The following HELZ variants were observed in gnomAD, a reference collection of about 807,000 sequenced individuals.
HELZ encodes helicase with zinc finger.
In HELZ, 23 loss-of-function variants were observed where a neutral mutation model predicts 218.2. The ratio of observed to expected loss-of-function variants is 0.11; its 90% CI spans 0.08 to 0.15. The LOEUF (loss-of-function observed/expected upper bound fraction) is 0.15. Among genes scored for constraint, HELZ ranks in the 10% least tolerant of loss-of-function variants. HELZ has a pLI of 1.00. For missense variants in HELZ, 1,813 were observed against 2,353.7 expected, an observed-to-expected ratio of 0.77 and a Z score of 4.75; for synonymous variants, 814 against 829.4, an observed-to-expected ratio of 0.98 and a Z score of 0.32.
At chr17:67,168,903 C>T (rs1185889463) in intron 13 of HELZ, among the ~76,000 whole-genome samples, 1 of 152,104 alleles carries the variant, frequency 6.6e-6, no homozygotes, top group East Asian at 1.9e-4. Flanking sequence ...ACCAGCCTGG[C>T]CAACATGGTG....
intron 21 of HELZ, 59 bp downstream of exon 21, chr17:67,145,684 A>G (rs1017137722): frequency 4.2e-6 from 6 of 1,415,076 alleles, no homozygotes; most frequent in Non-Finnish European, 4.9e-6. Context: ...TAAATGCTTA[A>G]CAAAACTAGA....
intron 24 of HELZ, among the ~76,000 whole-genome samples, chr17:67,128,337 C>T (rs1301993108): frequency 3.3e-5 from 5 of 152,098 alleles, no homozygotes; most frequent in Non-Finnish European, 7.4e-5. Flanking sequence ...TTTTAAACTT[C>T]TTTGTTTTAT....
At position 67,168,937 on chromosome 17, in the gene HELZ, C is replaced by A. The variant is rs369641907; in HGVS notation, c.1431-1141G>T. Among the ~76,000 whole-genome samples the A allele has an allele frequency of 7.9e-5, 12 of 152,112 alleles. No individual in the cohort carries two copies. The East Asian group carries it at 1.4e-3, about 17-fold the overall frequency. ...TGAAACCCTGCATCTACTAAAAATA[C>A]AAAAATTAGCCAGGTGTGGTGGCAG... On this transcript the variant is annotated intron_variant, in intron 13 of 32. Coordinates refer to ENST00000358691, the MANE Select transcript of HELZ (RefSeq NM_014877.4).
At chr17:67,172,866 G>A (rs1377199932) in intron 13 of HELZ, 9 of 170,180 alleles carry the variant, frequency 5.3e-5, no homozygotes, top group Admixed American at 3.9e-4. Context: ...TGGGCCTCCC[G>A]AAGTGCTAAG....
intron 28 of HELZ, among the ~76,000 whole-genome samples, chr17:67,111,300 A>C (rs2037273151): frequency 6.6e-6 from 1 of 152,164 alleles, no homozygotes; most frequent in African/African-American, 2.4e-5. Context: ...ATTTGATCAT[A>C]AGTGATGACA....
At chr17:67,202,359 T>C (rs1004813061) in intron 6 of HELZ, among the ~76,000 whole-genome samples, 1 of 152,182 alleles carries the variant, frequency 6.6e-6, no homozygotes, top group Non-Finnish European at 1.5e-5. Context: ...CTGAGCACAG[T>C]GGCACATGCC....
intron 31 of HELZ, among the ~76,000 whole-genome samples, chr17:67,095,090 CT>C (rs1035278489): frequency 6.6e-6 from 1 of 152,192 alleles, no homozygotes; most frequent in African/African-American, 2.4e-5. Flanking sequence ...GGGAGTCAAT[CT>C]TCTTAAGCCC....
intron 1 of HELZ, 140 bp downstream of exon 1, chr17:67,245,008 C>T: frequency 1.0e-6 from 1 of 985,512 alleles, no homozygotes; most frequent in Non-Finnish European, 1.2e-6. Flanking sequence ...CAGCCGCGGG[C>T]CGCCCAGGCC....
chr17:67,244,870 G>GC (rs2041434381), intron 1 of HELZ: 1 of 985,560 alleles, frequency 1.0e-6, no homozygotes, highest in African/African-American at 1.7e-5. Flanking sequence ...GGCGTGCAAG[G>GC]CCCCCTCTCC....
rs1449374552 is a variant in HELZ, at chr17:67,188,836, T to C, written c.865-220A>G. Among the ~76,000 whole-genome samples the C allele has an allele frequency of 6.6e-6, 1 of 152,190 alleles. No individual in the cohort carries two copies. The highest frequency in any genetic ancestry group is 2.4e-5 in the African/African-American group (1 of 41,450). On this transcript the variant is annotated intron_variant, in intron 11 of 32. Transcript: ENST00000358691. The surrounding 1 kb of genome is among the most constrained non-coding windows in gnomAD (Gnocchi z 4.1). ...TAGCCTCCCTTCTCTTCCTGTGACA[T>C]GTTCATTTTTCACTGTGGCAAAAGC... is the stretch of plus-strand genomic sequence containing the variant.
At position 67,073,635 on chromosome 17, in the gene HELZ, A is replaced by G. The variant is rs1285303599; in HGVS notation, c.*4617T>C. 6.6e-6 allele frequency: 1 copy of G among 151,952 alleles called. No individual in the cohort carries two copies. The highest frequency in any genetic ancestry group is 2.4e-5 in the African/African-American group (1 of 41,356). 9.4% of individuals were successfully genotyped at this position (151,952 alleles called of 1,614,324 possible). ...ACCTCCCTCCAAAAAATTTTTAGAA[A>G]CTCTGGTGACTGTTTCCTTAAACTT... On this transcript the variant is annotated 3_prime_UTR_variant, in exon 33 of 33. Coordinates refer to ENST00000358691, the MANE Select transcript of HELZ (RefSeq NM_014877.4).
chr17:67,146,346 T>A (rs1258287165), intron 20 of HELZ, among the ~76,000 whole-genome samples: 2 of 152,222 alleles, frequency 1.3e-5, no homozygotes, highest in Non-Finnish European at 2.9e-5. Flanking sequence ...ATACAAATAC[T>A]TACCATTGTT....
intron 6 of HELZ, among the ~76,000 whole-genome samples, chr17:67,202,922 A>G (rs2040203932): frequency 6.6e-6 from 1 of 152,030 alleles, no homozygotes; most frequent in African/African-American, 2.4e-5. Context: ...CCAGGAGTTC[A>G]AGACCAGCCT....
At chr17:67,093,563 AG>A (rs2036637951) in intron 31 of HELZ, among the ~76,000 whole-genome samples, 2 of 152,386 alleles carry the variant, frequency 1.3e-5, no homozygotes, top group African/African-American at 4.8e-5. Flanking sequence ...CTGTTCCATA[AG>A]GCAGCGCCTT....
Position 67,109,693 on chromosome 17 carries a change from A to T in HELZ, c.3919-7T>A. 3.8e-6 allele frequency: 6 copies of T among 1,593,960 alleles called. No homozygotes were observed. The highest frequency in any genetic ancestry group is 5.1e-6 in the Non-Finnish European group (6 of 1,169,828). On this transcript the variant is annotated splice_polypyrimidine_tract_variant and splice_region_variant and intron_variant, in intron 28 of 32. Coordinates refer to ENST00000358691, the MANE Select transcript of HELZ (RefSeq NM_014877.4). ...GATTTGATTCCAAATCAACCTAGAAAAAAAGAAGAAGCCTTTTTTAACTGC... is the reference window on the plus strand; with the variant it reads ...GATTTGATTCCAAATCAACCTAGAATAAAAGAAGAAGCCTTTTTTAACTGC...
chr17:67,128,111 CCTCT>C (rs1274836763), intron 24 of HELZ, among the ~76,000 whole-genome samples: 1 of 152,242 alleles, frequency 6.6e-6, no homozygotes, highest in East Asian at 1.9e-4. Flanking sequence ...TGCTCCACTC[CCTCT>C]GACTGGAATG....
At chr17:67,161,206 C>T (rs1598346023) in intron 15 of HELZ, 130 bp from the exon 16 acceptor site, 1 of 632,532 alleles carries the variant, frequency 1.6e-6, no homozygotes, top group East Asian at 3.0e-5. Flanking sequence ...AAAACAAATG[C>T]TTATTCTAAA....
At position 67,201,126 on chromosome 17, in the gene HELZ, T is replaced by C. The variant is rs374099407; in HGVS notation, c.429+3A>G. On this transcript the variant is annotated splice_donor_region_variant and intron_variant, in intron 7 of 32. Transcript: ENST00000358691. The stretch of plus-strand genomic sequence containing the variant: ...CCAAACGGATCCACTGAAATGGCCT[T>C]ACCTCTGTTTCTGAGAGAAGTGTTT... The C allele has an allele frequency of 6.3e-7, 1 of 1,590,140 alleles. No homozygotes were observed. The highest frequency in any genetic ancestry group is 1.3e-5 in the African/African-American group (1 of 74,592).
At chr17:67,160,503 G>A in intron 16 of HELZ, 141 bp from the exon 17 acceptor site, 1 of 595,016 alleles carries the variant, frequency 1.7e-6, no homozygotes, top group East Asian at 2.8e-5. Flanking sequence ...GCATTATTCA[G>A]TGATACCTTT....
Sources: allele counts gnomAD v4.1 joint callset (sites outside exome capture counted in the v4.1 genomes callset), GRCh38; gene constraint gnomAD v4.1.1; non-coding constraint Gnocchi (gnomAD v3.1); transcripts MANE v1.5; gene names NCBI Gene and HGNC (gene_info 2026-07-23, HGNC 2026-07-21).